Variants in TENT4B observed in about 807,000 individuals in gnomAD.
TENT4B encodes the protein terminal nucleotidyltransferase 4B, also known as PAP associated domain containing 5.
In TENT4B, 10 loss-of-function variants were observed where a neutral mutation model predicts 75.0. The observed-to-expected ratio is 0.13, with a 90% CI of 0.08 to 0.23. The LOEUF is 0.23. TENT4B is among the 10% of genes least tolerant of loss of function. TENT4B has a pLI of 1.00. For synonymous variants in TENT4B, 350 were observed against 357.7 expected, an observed-to-expected ratio of 0.98 and a Z score of 0.24; for missense variants, 579 against 893.8, an observed-to-expected ratio of 0.65 and a Z score of 4.49.
Position 50,153,957 on chromosome 16 carries a change from C to T in TENT4B, c.336C>T (p.Asn112=), listed in dbSNP as rs1489058672. Residue 112 remains asparagine, a synonymous_variant, in exon 1 of 12, where the codon AAC becomes AAT. Coordinates refer to ENST00000561678, the MANE Select transcript of TENT4B (RefSeq NM_001365324.3). ...DFLPLETTNN[N]NNHHQPGAWA... The stretch of plus-strand genomic sequence containing the variant: ...TGCCCCTAGAGACGACCAACAACAA[C>T]AACAACCACCACCAGCCCGGGGCCT... 1.3e-6 allele frequency: 2 copies of T among 1,534,044 alleles called. No homozygotes were observed. The highest frequency in any genetic ancestry group is 1.7e-6 in the Non-Finnish European group (2 of 1,146,112).
intron 1 of TENT4B, among the ~76,000 whole-genome samples, chr16:50,166,406 CTTCT>C (rs1009828823): frequency 3.3e-5 from 5 of 152,208 alleles, no homozygotes; most frequent in East Asian, 1.9e-4. Flanking sequence ...TATTATCTGT[CTTCT>C]TTATTATAGC....
intron 1 of TENT4B, among the ~76,000 whole-genome samples, chr16:50,174,251 C>T (rs2038260464): frequency 6.6e-6 from 1 of 152,030 alleles, no homozygotes; most frequent in African/African-American, 2.4e-5. Context: ...GCATGTGCCA[C>T]TGCACCTGGC....
chr16:50,162,193 C>T (rs1171818924), intron 1 of TENT4B, among the ~76,000 whole-genome samples: 1 of 152,090 alleles, frequency 6.6e-6, no homozygotes, highest in African/African-American at 2.4e-5. Context: ...TTTGTTTAAC[C>T]ATTTACTTAT....
In TENT4B at chr16:50,214,206, C is replaced by T. The variant is rs370292728; in HGVS notation, c.763-15C>T. The T allele has an allele frequency of 1.6e-5, 25 of 1,555,218 alleles. No homozygotes were observed. The highest frequency in any genetic ancestry group is 2.2e-5 in the Non-Finnish European group (25 of 1,133,736). On this transcript the variant is annotated splice_polypyrimidine_tract_variant and intron_variant, in intron 2 of 11. Coordinates refer to ENST00000561678, the MANE Select transcript of TENT4B (RefSeq NM_001365324.3). ...TGATAACTCAATATAATAACAACTT[C>T]TTTTTCTGTTTCAGGTCCAGATATT...
rs552299454 is a variant in TENT4B at position 50,188,389 on chromosome 16, G to A, written c.639-22934G>A. ...AGGGATCAGGTCTTACTCCGTTCTT[G>A]ATTGTTAGTACAAATTAGTTAAAAT... is the stretch of plus-strand genomic sequence containing the variant. On this transcript the variant is annotated intron_variant, in intron 1 of 11. Coordinates refer to ENST00000561678, the MANE Select transcript of TENT4B (RefSeq NM_001365324.3). 8.1e-4 allele frequency among the ~76,000 whole-genome samples: 123 copies of A among 152,308 alleles called. 2 individuals carry two copies. The highest frequency in any genetic ancestry group is 2.3e-3 in the African/African-American group (96 of 41,566).
At chr16:50,182,753 C>G (rs2038439282) in intron 1 of TENT4B, among the ~76,000 whole-genome samples, 1 of 151,878 alleles carries the variant, frequency 6.6e-6, no homozygotes, top group Non-Finnish European at 1.5e-5. Flanking sequence ...TACTTTTCAC[C>G]TAGTATTTCC....
intron 1 of TENT4B, among the ~76,000 whole-genome samples, chr16:50,202,072 A>G (rs2030688813): frequency 6.6e-6 from 1 of 152,194 alleles, no homozygotes; most frequent in Admixed American, 6.5e-5. Context: ...TTTCAGTTTC[A>G]TTATCCAAGT....
At chr16:50,187,690 G>A (rs907529680) in intron 1 of TENT4B, among the ~76,000 whole-genome samples, 1 of 152,034 alleles carries the variant, frequency 6.6e-6, no homozygotes, top group African/African-American at 2.4e-5. Flanking sequence ...GAATGGTCTT[G>A]GTACCCTAGC....
At position 50,153,756 on chromosome 16, in the gene TENT4B, GAGC is replaced by G; in HGVS notation, c.136_138del (p.Ser46del). ...ACCACTGTCACAGCAGCGGCGGCGC[GAGC>G]GGCGGCGGCGGCAGCAGCAGCAGCA... On this transcript the variant is annotated inframe_deletion, in exon 1 of 12. Coordinates refer to ENST00000561678, the MANE Select transcript of TENT4B (RefSeq NM_001365324.3). The G allele has an allele frequency of 9.4e-7, 1 of 1,069,108 alleles. No homozygotes were observed. The highest frequency in any genetic ancestry group is 1.1e-6 in the Non-Finnish European group (1 of 885,372). 66.2% of individuals were successfully genotyped at this position (1,069,108 alleles called of 1,614,324 possible). A position where few individuals can be genotyped will look rare whatever the true frequency, so the allele number is the denominator to read the frequency against.
chr16:50,176,248 A>G (rs2038306122), intron 1 of TENT4B, among the ~76,000 whole-genome samples: 2 of 151,750 alleles, frequency 1.3e-5, no homozygotes, highest in African/African-American at 4.8e-5. Context: ...GACCACACCC[A>G]GCTAAGTTTT....
At chr16:50,198,479 A>G (rs577596478) in intron 1 of TENT4B, among the ~76,000 whole-genome samples, 6 of 152,138 alleles carry the variant, frequency 3.9e-5, no homozygotes, top group Non-Finnish European at 8.8e-5. Flanking sequence ...TTCACTTACT[A>G]GAGCATCAAA....
chr16:50,211,621 CCTAA>C (rs1444702299), intron 2 of TENT4B, among the ~76,000 whole-genome samples, 175 bp downstream of exon 2: 1 of 152,134 alleles, frequency 6.6e-6, no homozygotes, highest in Non-Finnish European at 1.5e-5. Context: ...ATTGAGGCTT[CCTAA>C]CTATTTTCAT....
chr16:50,177,886 T>G (rs1209473461), intron 1 of TENT4B, among the ~76,000 whole-genome samples: 1 of 152,190 alleles, frequency 6.6e-6, no homozygotes, highest in African/African-American at 2.4e-5. Flanking sequence ...CTGTAAGCAC[T>G]GCTTTCTCTA....
chr16:50,214,773 A>C (rs1424842953), intron 3 of TENT4B, among the ~76,000 whole-genome samples: 1 of 152,252 alleles, frequency 6.6e-6, no homozygotes, highest in Non-Finnish European at 1.5e-5. Context: ...GAGATGGAAA[A>C]GGGATCATGT....
intron 2 of TENT4B, 59 bp from the exon 3 acceptor site, chr16:50,214,162 T>A (rs1596735637): frequency 1.5e-6 from 2 of 1,309,228 alleles, no homozygotes; most frequent in East Asian, 4.7e-5. Context: ...TCTTGGTGAC[T>A]CAATATGATA....
chr16:50,217,461 A>G (rs1010317912), intron 4 of TENT4B, 95 bp from the exon 5 acceptor site: 3 of 640,176 alleles, frequency 4.7e-6, no homozygotes, highest in Admixed American at 3.5e-5. Flanking sequence ...CTCTCATGAG[A>G]TGATGGAGAC....
At chr16:50,188,829 G>A (rs1257683516) in intron 1 of TENT4B, among the ~76,000 whole-genome samples, 2 of 152,106 alleles carry the variant, frequency 1.3e-5, no homozygotes, top group Non-Finnish European at 2.9e-5. Flanking sequence ...TAGCCATTGT[G>A]CTCCAGCCTG....
chr16:50,156,553 A>G (rs920969414), intron 1 of TENT4B, among the ~76,000 whole-genome samples: 2 of 152,078 alleles, frequency 1.3e-5, no homozygotes, highest in Non-Finnish European at 2.9e-5. Flanking sequence ...CATGTTGGTC[A>G]GGCTGGTCTC....
intron 1 of TENT4B, among the ~76,000 whole-genome samples, chr16:50,209,596 G>T (rs1467771238): frequency 6.6e-6 from 1 of 152,164 alleles, no homozygotes; most frequent in African/African-American, 2.4e-5. Context: ...CAAACAGGCC[G>T]AACGCTGTTG....
Sources: gnomAD v4.1 joint callset for allele counts (sites outside exome capture counted in the v4.1 genomes callset) on GRCh38, gnomAD v4.1.1 for gene constraint, MANE v1.5 for transcripts, NCBI Gene and HGNC (gene_info 2026-07-23, HGNC 2026-07-21) for gene names.